Variants in VPS54 observed in about 807,000 individuals in gnomAD.
The protein encoded by VPS54 is vacuolar protein sorting-associated protein 54.
VPS54 carries 45 observed loss-of-function variants against 121.5 expected under a neutral mutation model. That is an observed-to-expected ratio of 0.37 (90% confidence interval 0.29 to 0.47). The LOEUF is 0.47. Among genes scored for constraint, VPS54 ranks in the 20% least tolerant of loss-of-function variants. VPS54 has a pLI of 0.99. For missense variants in VPS54, 1,090 were observed against 1,131.4 expected, an observed-to-expected ratio of 0.96 and a Z score of 0.52; for synonymous variants, 371 against 385.8, an observed-to-expected ratio of 0.96 and a Z score of 0.45.
At chr2:63,896,776 T>C (rs1672460282) in intron 22 of VPS54, among the ~76,000 whole-genome samples, 1 of 152,178 alleles carries the variant, frequency 6.6e-6, no homozygotes, top group South Asian at 2.1e-4. Context: ...TTGATATTAA[T>C]ACGTAACTAA....
rs1382030240 is a variant in VPS54, at chr2:63,977,729, A to C, written c.378+3917T>G. 2.6e-5 allele frequency among the ~76,000 whole-genome samples: 4 copies of C among 152,342 alleles called. No individual in the cohort carries two copies. The East Asian group carries it at 7.7e-4, about 29-fold the overall frequency. On this transcript the variant is annotated intron_variant, in intron 3 of 22. Transcript: ENST00000272322. ...ATTCTGATACTTGATCTGTCTGTTT[A>C]AACAGTGTTTTCTGTCTGGTATGCA... is the stretch of plus-strand genomic sequence containing the variant.
At position 63,920,008 on chromosome 2, in the gene VPS54, A is replaced by T; in HGVS notation, c.2052-13T>A. ...GTCTAAGAGGAGGCTAGTCCACAGT[A>T]AGGAGAAAAGAAGGTAAACTTTAAC... On this transcript the variant is annotated splice_polypyrimidine_tract_variant and intron_variant, in intron 14 of 22. Transcript: ENST00000272322. 6.3e-7 allele frequency: 1 copy of T among 1,595,592 alleles called. No homozygotes were observed. The highest frequency in any genetic ancestry group is 1.3e-5 in the African/African-American group (1 of 74,212).
At chr2:63,993,832 T>G (rs1333240388) in intron 1 of VPS54, among the ~76,000 whole-genome samples, 2 of 152,348 alleles carry the variant, frequency 1.3e-5, no homozygotes, top group East Asian at 3.9e-4. Flanking sequence ...ATGGCTCCAG[T>G]AATGGAAATG....
intron 3 of VPS54, among the ~76,000 whole-genome samples, chr2:63,979,999 T>C (rs771029100): frequency 2.6e-5 from 4 of 152,192 alleles, no homozygotes; most frequent in Non-Finnish European, 5.9e-5. Context: ...TGGTTAATGG[T>C]TCAAGTCTAT....
At chr2:63,936,481 T>C (rs975467998) in intron 11 of VPS54, among the ~76,000 whole-genome samples, 2 of 152,122 alleles carry the variant, frequency 1.3e-5, no homozygotes, top group African/African-American at 2.4e-5. Context: ...GAGAATGGAG[T>C]TAATGAAATA....
Position 63,912,580 on chromosome 2 carries a change from T to C in VPS54, c.2504A>G (p.Lys835Arg). The change falls in exon 19 of 23, where the codon AAG (lysine) becomes AGG (arginine). Residue 835 changes from lysine to arginine, a missense_variant. Lys to Arg is a conservative substitution (Grantham distance 26). This residue lies in a region of VPS54 where 289 missense variants were observed against 374.4 expected (regional missense o/e 0.77). Transcript: ENST00000272322. The part of the protein sequence containing the change: ...RAHFEARLPP[K>R]QYSMLRHFDH... The stretch of plus-strand genomic sequence containing the variant: ...AAAATGCCTAAGCATGCTATATTGC[T>C]TAGGTGGTAGTCGAGCTTCAAAATG... The C allele has an allele frequency of 6.2e-7, 1 of 1,603,320 alleles. No homozygotes were observed.
chr2:63,980,328 T>C (rs1462031240), intron 3 of VPS54, among the ~76,000 whole-genome samples: 1 of 152,178 alleles, frequency 6.6e-6, no homozygotes, highest in Non-Finnish European at 1.5e-5. Context: ...CAAATGCTTT[T>C]TTCTTTCTAT....
rs1438421937 is a variant in VPS54 at position 63,892,735 on chromosome 2, T to A, written c.*695A>T. The A allele has an allele frequency of 6.6e-6, 1 of 152,214 alleles. No individual in the cohort carries two copies. Among genetic ancestry groups the A allele is most frequent in the Admixed American group, 6.6e-5 (1 of 15,250 alleles). The allele number at this position is 152,214 out of a possible 1,614,324, so 9.4% of individuals were successfully genotyped here. A position where few individuals can be genotyped will look rare whatever the true frequency, so the allele number is the denominator to read the frequency against. On this transcript the variant is annotated 3_prime_UTR_variant, in exon 23 of 23. Transcript: ENST00000272322. Reference sequence around the variant, plus strand: ...CATAAATAGATGCCAGGATCTTTTTTTTTAAGTATTAATTACTTAAAAAAA... The same window carrying A: ...CATAAATAGATGCCAGGATCTTTTTATTTAAGTATTAATTACTTAAAAAAA...
At chr2:63,966,346 CT>C (rs1345860342) in intron 5 of VPS54, among the ~76,000 whole-genome samples, 1 of 152,120 alleles carries the variant, frequency 6.6e-6, no homozygotes, top group Non-Finnish European at 1.5e-5. Context: ...TTTCTCTAAC[CT>C]ATATTTCTAT....
chr2:63,944,058 CA>C (rs1288335569), intron 10 of VPS54, among the ~76,000 whole-genome samples: 11 of 144,956 alleles, frequency 7.6e-5, no homozygotes, highest in African/African-American at 7.6e-5. Flanking sequence ...AGGGTGAAAA[CA>C]AAAAAAAAAT....
chr2:64,006,305 T>C (rs923118428), intron 1 of VPS54, among the ~76,000 whole-genome samples: 19 of 152,220 alleles, frequency 1.2e-4, no homozygotes, highest in African/African-American at 3.9e-4. Flanking sequence ...TCTAAAAATA[T>C]AAATCCAAAA....
intron 20 of VPS54, among the ~76,000 whole-genome samples, chr2:63,910,872 T>C (rs1015502974): frequency 2.6e-5 from 4 of 152,202 alleles, no homozygotes; most frequent in Non-Finnish European, 5.9e-5. Flanking sequence ...TTGGTTTTTC[T>C]TCATTGTATT....
At chr2:63,978,265 T>C (rs984155971) in intron 3 of VPS54, among the ~76,000 whole-genome samples, 1 of 152,146 alleles carries the variant, frequency 6.6e-6, no homozygotes, top group African/African-American at 2.4e-5. Flanking sequence ...TCCAAAGGGG[T>C]TGTAGCACTT....
At chr2:63,919,070 CTA>C (rs1673515624) in intron 15 of VPS54, among the ~76,000 whole-genome samples, 1 of 152,022 alleles carries the variant, frequency 6.6e-6, no homozygotes, top group South Asian at 2.1e-4. Flanking sequence ...ACTACCTTCT[CTA>C]TTAGAAATAC....
intron 3 of VPS54, among the ~76,000 whole-genome samples, chr2:63,978,840 G>A (rs192918677): frequency 1.3e-5 from 2 of 152,060 alleles, no homozygotes; most frequent in East Asian, 1.9e-4. Context: ...GGCTGGTCTC[G>A]AACTCTTGAC....
At chr2:63,982,046 C>A (rs1676824186) in intron 2 of VPS54, among the ~76,000 whole-genome samples, 159 bp from the exon 3 acceptor site, 1 of 152,152 alleles carries the variant, frequency 6.6e-6, no homozygotes, top group African/African-American at 2.4e-5. Context: ...GATTGAATAA[C>A]CTTCAGCTGG....
intron 22 of VPS54, among the ~76,000 whole-genome samples, chr2:63,895,738 G>C (rs1365384729): frequency 2.0e-5 from 3 of 152,224 alleles, no homozygotes; most frequent in Non-Finnish European, 1.5e-5. Context: ...CTACAGGGTA[G>C]AGGTTAATCT....
chr2:63,942,629 T>A, intron 10 of VPS54, 68 bp from the exon 11 acceptor site: 3 of 1,292,676 alleles, frequency 2.3e-6, no homozygotes, highest in Non-Finnish European at 3.2e-6. Flanking sequence ...ATCTACAAAC[T>A]GGAAGAAATG....
At chr2:63,915,011 C>T (rs527304967) in intron 16 of VPS54, among the ~76,000 whole-genome samples, 4 of 151,654 alleles carry the variant, frequency 2.6e-5, no homozygotes, top group South Asian at 2.1e-4. Flanking sequence ...ATTAGCTGGG[C>T]GTGGTGCTGC....
Sources: gnomAD v4.1 joint callset for allele counts (sites outside exome capture counted in the v4.1 genomes callset) on GRCh38, gnomAD v4.1.1 for gene constraint, gnomAD v4.1.1 regional missense constraint, MANE v1.5 for transcripts, NCBI Gene and HGNC (gene_info 2026-07-23, HGNC 2026-07-21) for gene names.